The following CBX3 variants were observed in gnomAD, a reference collection of about 807,000 sequenced individuals.
CBX3 encodes the protein chromobox 3, also known as chromobox protein homolog 3.
A neutral mutation model predicts 22.6 loss-of-function variants in CBX3; 5 were observed. The ratio of observed to expected loss-of-function variants is 0.22; its 90% CI spans 0.12 to 0.47. CBX3 has a LOEUF of 0.47. CBX3 is among the 20% of genes least tolerant of loss of function. The pLI is 0.99. For synonymous variants in CBX3, 50 were observed against 66.6 expected (o/e 0.75, Z 1.21); for missense variants, 83 against 208.1 (o/e 0.40, Z 3.70).
At chr7:26,206,711 G>A (rs1784684466) in intron 3 of CBX3, among the ~76,000 whole-genome samples, 2 of 152,206 alleles carry the variant, frequency 1.3e-5, no homozygotes, top group Non-Finnish European at 2.9e-5. Context: ...GCAGACTAGA[G>A]ACTAGTTTAT....
At chr7:26,209,222 GCTTTTTTAAAATTCAGATA>G (rs1784751878) in intron 4 of CBX3, among the ~76,000 whole-genome samples, 1 of 151,980 alleles carries the variant, frequency 6.6e-6, no homozygotes, top group Non-Finnish European at 1.5e-5. Flanking sequence ...TTGACGACTT[GCTTTTTTAAAATTCAGATA>G]CTTTTATAAA....
intron 5 of CBX3, 33 bp downstream of exon 5, chr7:26,211,789 AAG>A: frequency 6.9e-7 from 1 of 1,454,708 alleles, no homozygotes; most frequent in African/African-American, 1.4e-5. Flanking sequence ...ATTTGAAAGT[AAG>A]AGTAGCTTTT....
chr7:26,212,353 T>A lies in CBX3; in HGVS notation c.*145T>A, dbSNP rs1784821153. 1 of 461,932 alleles carries A rather than the reference T, an allele frequency of 2.2e-6. No homozygotes were observed. The highest frequency in any genetic ancestry group is 1.1e-4 in the South Asian group (1 of 9,104). The allele number at this position is 461,932 out of a possible 1,614,324, so 28.6% of individuals were successfully genotyped here. A position where few individuals can be genotyped will look rare whatever the true frequency, so the allele number is the denominator to read the frequency against. ...GTTTTGAAAGTAGCGTTGGAAGAGT[T>A]GTTGGGGGTTTTTTGCATCCATAGC... On this transcript the variant is annotated 3_prime_UTR_variant, in exon 6 of 6. Coordinates refer to ENST00000396386, the MANE Select transcript of CBX3 (RefSeq NM_016587.4).
In CBX3 at chr7:26,211,613, A is replaced by G. The variant is rs752852652; in HGVS notation, c.331-49A>G. ...TTTTTATTTAAAATACGCCATGAAA[A>G]CAATTTAATACTCTGAGTTTGCTGT... On this transcript the variant is annotated intron_variant, in intron 4 of 5. Coordinates refer to ENST00000396386, the MANE Select transcript of CBX3 (RefSeq NM_016587.4). The G allele has an allele frequency of 4.2e-6, 5 of 1,189,722 alleles. No individual in the cohort carries two copies. In the African/African-American group the frequency reaches 7.7e-5, roughly 18 times the overall value. 73.7% of individuals were successfully genotyped at this position (1,189,722 alleles called of 1,614,324 possible).
rs1562749267 is a variant in CBX3 at position 26,211,769 on chromosome 7, A to T, written c.425+13A>T. Reference sequence around the variant, plus strand: ...TTCTCATGAAATGGTGAGTATGCAGAGATTGTTACATTTGAAAGTAAGAGT... The same window carrying T: ...TTCTCATGAAATGGTGAGTATGCAGTGATTGTTACATTTGAAAGTAAGAGT... On this transcript the variant is annotated intron_variant, in intron 5 of 5. Transcript: ENST00000396386. 1 of 1,531,768 alleles carries T rather than the reference A, an allele frequency of 6.5e-7. No homozygotes were observed. Among genetic ancestry groups the T allele is most frequent in the East Asian group, 2.3e-5 (1 of 43,662 alleles). 94.9% of individuals were successfully genotyped at this position (1,531,768 alleles called of 1,614,324 possible).
chr7:26,203,122 A>G lies in CBX3; in HGVS notation c.24+100A>G, dbSNP rs1296768904. 9.4e-6 allele frequency: 8 copies of G among 851,900 alleles called. 1 individual carries two copies. Among genetic ancestry groups the G allele is most frequent in the South Asian group, 8.6e-5 (6 of 70,080 alleles). The allele number at this position is 851,900 out of a possible 1,614,324, so 52.8% of individuals were successfully genotyped here. On this transcript the variant is annotated intron_variant, in intron 2 of 5. Transcript: ENST00000396386. ...CTGTGGCTGAGAAATTTACATCCAC[A>G]TATTTCCCAGCTCTCCCAGTGTAAA...
chr7:26,210,976 C>A (rs1784791408), intron 4 of CBX3, among the ~76,000 whole-genome samples: 1 of 151,426 alleles, frequency 6.6e-6, no homozygotes, highest in Non-Finnish European at 1.5e-5. Context: ...TAAGTACTTT[C>A]TAGCGCAGGG....
At chr7:26,206,094 A>G (rs1158985532) in intron 2 of CBX3, 4 of 306,924 alleles carry the variant, frequency 1.3e-5, no homozygotes, top group Non-Finnish European at 2.4e-5. Context: ...CCCTGTCTCA[A>G]AAAAAAAGAC....
At chr7:26,202,908 T>C in intron 1 of CBX3, 63 bp from the exon 2 acceptor site, 3 of 1,055,826 alleles carry the variant, frequency 2.8e-6, no homozygotes, top group Non-Finnish European at 4.4e-6. Context: ...CCAAACAGAA[T>C]TTGTATTTAG....
At chr7:26,203,076 C>T (rs1473979888) in intron 2 of CBX3, 54 bp downstream of exon 2, 8 of 1,192,040 alleles carry the variant, frequency 6.7e-6, no homozygotes, top group Non-Finnish European at 8.3e-6. Flanking sequence ...TTTTTTTTCC[C>T]CACAGTATAA....
intron 3 of CBX3, among the ~76,000 whole-genome samples, chr7:26,207,291 T>C (rs1005559437): frequency 2.0e-5 from 3 of 152,246 alleles, no homozygotes; most frequent in Non-Finnish European, 2.9e-5. Flanking sequence ...AATTATGAAT[T>C]GAATGGGAGA....
chr7:26,202,864 T>C (rs1411225170), intron 1 of CBX3, 107 bp from the exon 2 acceptor site: 2 of 711,962 alleles, frequency 2.8e-6, no homozygotes, highest in African/African-American at 3.6e-5. Flanking sequence ...GTATTCACGT[T>C]TGAAATGTGC....
intron 1 of CBX3, chr7:26,202,239 C>G (rs934990652): frequency 6.6e-6 from 1 of 152,066 alleles, no homozygotes; most frequent in Non-Finnish European, 1.5e-5. Flanking sequence ...GCCGGCTGTC[C>G]CGAGGCTGCG....
In CBX3 at chr7:26,212,234, ATT is replaced by A; in HGVS notation, c.*28_*29del. On this transcript the variant is annotated 3_prime_UTR_variant, in exon 6 of 6. Transcript: ENST00000396386. The stretch of plus-strand genomic sequence containing the variant: ...TTGTTCACATTGTTCTTTTATATAT[ATT>A]TATATATATATATAAAAATTGGGTC... The A allele has an allele frequency of 2.6e-6, 3 of 1,149,616 alleles. No homozygotes were observed. Among genetic ancestry groups the A allele is most frequent in the South Asian group, 3.6e-5 (1 of 27,916 alleles). The allele number at this position is 1,149,616 out of a possible 1,614,324, so 71.2% of individuals were successfully genotyped here. A position where few individuals can be genotyped will look rare whatever the true frequency, so the allele number is the denominator to read the frequency against.
intron 2 of CBX3, among the ~76,000 whole-genome samples, chr7:26,205,541 A>G (rs1784656830): frequency 6.6e-6 from 1 of 152,210 alleles, no homozygotes; most frequent in Admixed American, 6.5e-5. Context: ...TGCAGTTGGT[A>G]TCAGGATTTT....
chr7:26,210,006 T>G (rs935321219), intron 4 of CBX3: 1 of 152,238 alleles, frequency 6.6e-6, no homozygotes, highest in Admixed American at 6.5e-5. Flanking sequence ...AGAAGCAGTT[T>G]TGGCCAGGCA....
chr7:26,211,869 C>T, intron 5 of CBX3, 113 bp downstream of exon 5: 2 of 901,454 alleles, frequency 2.2e-6, no homozygotes. Flanking sequence ...GAGGATGATT[C>T]TGGTTACTTT....
intron 2 of CBX3, 164 bp from the exon 3 acceptor site, chr7:26,206,199 CTTTTA>C (rs1202540534): frequency 5.4e-6 from 3 of 553,894 alleles, no homozygotes; most frequent in Non-Finnish European, 9.5e-6. Flanking sequence ...ATAAAGCATT[CTTTTA>C]TTTTATTGTC....
At chr7:26,201,642 C>T (rs1197734790), upstream of CBX3, 2 of 145,106 alleles carry the variant, frequency 1.4e-5, no homozygotes, top group Non-Finnish European at 3.0e-5. Flanking sequence ...GCCCCTCCCC[C>T]CGCCGGGCGC....
Sources: gnomAD v4.1 joint callset for allele counts (sites outside exome capture counted in the v4.1 genomes callset) on GRCh38, gnomAD v4.1.1 for gene constraint, MANE v1.5 for transcripts, NCBI Gene and HGNC (gene_info 2026-07-23, HGNC 2026-07-21) for gene names.